The following FNDC5 variants were observed in gnomAD, a reference collection of about 807,000 sequenced individuals.
FNDC5 encodes the protein fibronectin type III domain containing 5, also known as fibronectin type III domain-containing protein 5.
Under a neutral mutation model 24.6 loss-of-function variants are expected in FNDC5, and 10 were observed. That is an observed-to-expected ratio of 0.41 (90% CI 0.25 to 0.69). The LOEUF is 0.69. FNDC5 is among the 30% of genes least tolerant of loss of function. The pLI is 0.34. For missense variants in FNDC5, 226 were observed against 282.9 expected, an observed-to-expected ratio of 0.80 and a Z score of 1.44; for synonymous variants, 90 against 110.7, an observed-to-expected ratio of 0.81 and a Z score of 1.18.
upstream of FNDC5, chr1:32,871,035 C>T (rs1214996942): frequency 6.6e-6 from 1 of 150,588 alleles, no homozygotes; most frequent in Non-Finnish European, 1.5e-5. Context: ...CTCCCGCCCC[C>T]GCTGCCTATT....
At position 32,870,677 on chromosome 1, in the gene FNDC5, C is replaced by G. The variant is rs1641164824; in HGVS notation, c.70G>C (p.Val24Leu). Residue 24 changes from valine (V) to leucine (L), a missense_variant, in exon 1 of 6, where the codon GTC becomes CTC. Val to Leu is a conservative substitution (Grantham distance 32). Transcript: ENST00000373471. ...CCCGCCTGCACCAGCGCGAAGCAGA[C>G]GCAGCCCAGCCACAGGCGGAGCGCG... 1 of 1,206,876 alleles carries G rather than the reference C, an allele frequency of 8.3e-7. No homozygotes were observed. The highest frequency in any genetic ancestry group is 1.6e-5 in the African/African-American group (1 of 63,292). The allele number at this position is 1,206,876 out of a possible 1,614,324, so 74.8% of individuals were successfully genotyped here.
At chr1:32,870,582 G>A (rs1398191190) in intron 1 of FNDC5, 71 bp downstream of exon 1, 9 of 975,332 alleles carry the variant, frequency 9.2e-6, no homozygotes, top group Non-Finnish European at 1.2e-5. Context: ...GAAAGGACCA[G>A]GGGACTCCCA....
chr1:32,872,106 C>G (rs1234035123), upstream of FNDC5, among the ~76,000 whole-genome samples: 3 of 152,222 alleles, frequency 2.0e-5, no homozygotes, highest in African/African-American at 7.2e-5. Context: ...CTCCATCCCC[C>G]TGGTTTTACA....
At chr1:32,864,897 C>T in intron 4 of FNDC5, 100 bp from the exon 5 acceptor site, 2 of 1,518,976 alleles carry the variant, frequency 1.3e-6, no homozygotes, top group Non-Finnish European at 1.8e-6. Flanking sequence ...CCAGATTGTA[C>T]CTCACCTGTA....
chr1:32,867,622 A>T, intron 4 of FNDC5, 131 bp downstream of exon 4: 1 of 780,260 alleles, frequency 1.3e-6, no homozygotes. Flanking sequence ...TGTCGTTGGC[A>T]GGACTTGGAG....
Position 32,864,701 on chromosome 1 carries a change from G to T in FNDC5, c.596C>A (p.Thr199Lys), listed in dbSNP as rs185141197. 2 of 1,614,070 alleles carry T rather than the reference G, an allele frequency of 1.2e-6. No homozygotes were observed. The highest frequency in any genetic ancestry group is 1.3e-5 in the African/African-American group (1 of 74,932). ...AAGCCCCCCGCCCTGGTGCTCTGGT[G>T]TGCTGGTTTCTGATGCACTCTTGGT... The change falls in exon 5 of 6, where the codon ACA becomes AAA. Residue 199 changes from threonine to lysine, a missense_variant. Transcript: ENST00000373471.
intron 3 of FNDC5, 96 bp from the exon 4 acceptor site, chr1:32,867,938 G>T: frequency 8.0e-7 from 1 of 1,249,516 alleles, no homozygotes; most frequent in Non-Finnish European, 1.2e-6. Flanking sequence ...TTCTACAGGT[G>T]CCCACACATC....
intron 4 of FNDC5, among the ~76,000 whole-genome samples, chr1:32,866,319 C>T (rs1336701491): frequency 6.6e-6 from 1 of 152,036 alleles, no homozygotes; most frequent in Non-Finnish European, 1.5e-5. Context: ...GCATTTTTTT[C>T]CCAAATGCTT....
At chr1:32,871,636 A>T (rs1641186507), upstream of FNDC5, among the ~76,000 whole-genome samples, 1 of 152,196 alleles carries the variant, frequency 6.6e-6, no homozygotes, top group Admixed American at 6.5e-5. Flanking sequence ...TGGACAGGCT[A>T]CTTGACTTGT....
upstream of FNDC5, among the ~76,000 whole-genome samples, chr1:32,871,759 T>C (rs961186474): frequency 6.6e-6 from 1 of 152,124 alleles, no homozygotes; most frequent in Non-Finnish European, 1.5e-5. Flanking sequence ...CGGAGATTCG[T>C]GAGACTCTAG....
Position 32,870,754 on chromosome 1 carries a change from C to G in FNDC5, c.-8G>C. The G allele has an allele frequency of 9.0e-7, 1 of 1,116,088 alleles. No homozygotes were observed. Among genetic ancestry groups the G allele is most frequent in the East Asian group, 4.6e-5 (1 of 21,796 alleles). The allele number at this position is 1,116,088 out of a possible 1,614,324, so 69.1% of individuals were successfully genotyped here. On this transcript the variant is annotated 5_prime_UTR_variant, in exon 1 of 6. Coordinates refer to ENST00000373471, the MANE Select transcript of FNDC5 (RefSeq NM_153756.3). ...CGGCGACCCGGGGTGTATGGTGGCT[C>G]CTCCGGCCGGCAGGCCCGGGGCGGC...
chr1:32,870,612 A>T, intron 1 of FNDC5, 41 bp downstream of exon 1: 1 of 1,146,460 alleles, frequency 8.7e-7, no homozygotes, highest in Non-Finnish European at 1.1e-6. Flanking sequence ...GCTCGAGAGG[A>T]GCCTGCCCCG....
rs1641021888 is a variant in FNDC5 at position 32,864,088 on chromosome 1, G to C, written c.*206C>G. 6.7e-7 allele frequency: 1 copy of C among 1,493,652 alleles called. No homozygotes were observed. Among genetic ancestry groups the C allele is most frequent in the Non-Finnish European group, 8.9e-7 (1 of 1,124,018 alleles). 92.5% of individuals were successfully genotyped at this position (1,493,652 alleles called of 1,614,324 possible). On this transcript the variant is annotated 3_prime_UTR_variant, in exon 6 of 6. Transcript: ENST00000373471. The stretch of plus-strand genomic sequence containing the variant: ...AGCCTCAGCCACTGACATTGTTGAG[G>C]TGCTTCTGGAGATGGGAGTTAATAA...
chr1:32,867,722 GGAA>G (rs756182862), intron 4 of FNDC5, 28 bp downstream of exon 4: 81 of 1,604,078 alleles, frequency 5.0e-5, no homozygotes, highest in East Asian at 9.0e-5. Context: ...AGAATCTGAG[GGAA>G]GAAGAAGGTC....
upstream of FNDC5, among the ~76,000 whole-genome samples, chr1:32,871,783 C>T (rs1641188784): frequency 6.6e-6 from 1 of 152,170 alleles, no homozygotes; most frequent in Non-Finnish European, 1.5e-5. Flanking sequence ...TGGCCGGGGC[C>T]AGCTCCTCCC....
chr1:32,865,201 G>A (rs1641047570), intron 4 of FNDC5, among the ~76,000 whole-genome samples: 1 of 152,064 alleles, frequency 6.6e-6, no homozygotes, highest in Non-Finnish European at 1.5e-5. Context: ...CCAGGTTCAA[G>A]TGATTCTCCT....
intron 4 of FNDC5, among the ~76,000 whole-genome samples, chr1:32,865,348 A>G (rs1641051089): frequency 6.7e-6 from 1 of 148,728 alleles, no homozygotes; most frequent in African/African-American, 2.5e-5. Flanking sequence ...ATCCGCCCAC[A>G]TTGGCCTCCC....
rs1309772266 is a variant in FNDC5, at chr1:32,863,893, C to T, written c.*401G>A. ...GCAGCAGGGCTGTAGCCTAAATAAG[C>T]CAAGCTCTTGTCCCTTGTGGAAAGA... On this transcript the variant is annotated 3_prime_UTR_variant, in exon 6 of 6. Transcript: ENST00000373471. The T allele has an allele frequency of 7.7e-7, 1 of 1,302,044 alleles. No homozygotes were observed. The highest frequency in any genetic ancestry group is 2.4e-5 in the Admixed American group (1 of 41,794). The allele number at this position is 1,302,044 out of a possible 1,614,324, so 80.7% of individuals were successfully genotyped here. A position where few individuals can be genotyped will look rare whatever the true frequency, so the allele number is the denominator to read the frequency against.
chr1:32,871,695 C>T (rs1641187738), upstream of FNDC5, among the ~76,000 whole-genome samples: 2 of 152,204 alleles, frequency 1.3e-5, no homozygotes, highest in African/African-American at 4.8e-5. Context: ...TGATCTGACT[C>T]CCAAAGCTGT....
Sources: gnomAD v4.1 joint callset for allele counts (sites outside exome capture counted in the v4.1 genomes callset) on GRCh38, gnomAD v4.1.1 for gene constraint, MANE v1.5 for transcripts, NCBI Gene and HGNC (gene_info 2026-07-23, HGNC 2026-07-21) for gene names.